The following GABRG3 variants were observed in gnomAD, a reference collection of about 807,000 sequenced individuals.
The protein encoded by GABRG3 is gamma-aminobutyric acid receptor subunit gamma-3.
Under a neutral mutation model 48.8 loss-of-function variants are expected in GABRG3, and 25 were observed. The observed-to-expected ratio is 0.51, with a 90% CI of 0.37 to 0.72. GABRG3 has a LOEUF of 0.72. GABRG3 is among the 30% of genes least tolerant of loss of function. The pLI is 0.00. For missense variants in GABRG3, 394 were observed against 577.9 expected, an observed-to-expected ratio of 0.68 and a Z score of 3.26; for synonymous variants, 227 against 217.6, an observed-to-expected ratio of 1.04 and a Z score of -0.38.
At chr15:27,464,173 T>C (rs1225937531) in intron 5 of GABRG3, among the ~76,000 whole-genome samples, 2 of 152,186 alleles carry the variant, frequency 1.3e-5, no homozygotes, top group African/African-American at 2.4e-5. Flanking sequence ...TTTAGTATAT[T>C]CACAGAATTG....
At chr15:27,346,420 T>G (rs1163640708) in intron 5 of GABRG3, among the ~76,000 whole-genome samples, 1 of 152,212 alleles carries the variant, frequency 6.6e-6, no homozygotes, top group East Asian at 1.9e-4. Context: ...CATTTTACAT[T>G]TATCTCTTTA....
chr15:27,402,401 G>T (rs1887500028), intron 5 of GABRG3, among the ~76,000 whole-genome samples: 1 of 152,198 alleles, frequency 6.6e-6, no homozygotes, highest in Non-Finnish European at 1.5e-5. Context: ...ATGGATATCA[G>T]CATTTTAAGC....
At chr15:26,971,859 T>C (rs1239558437) in intron 1 of GABRG3, among the ~76,000 whole-genome samples, 1 of 152,106 alleles carries the variant, frequency 6.6e-6, no homozygotes, top group African/African-American at 2.4e-5. Context: ...TTTAAGGGGT[T>C]TTGAGAACCA....
intron 3 of GABRG3, among the ~76,000 whole-genome samples, chr15:27,177,388 C>T (rs1887781358): frequency 6.6e-6 from 1 of 152,148 alleles, no homozygotes; most frequent in African/African-American, 2.4e-5. Context: ...GAGTGGTAAG[C>T]AATTATAGAA....
rs1894899702 is a variant in GABRG3, at chr15:26,974,432, T to C, written c.54-2570T>C. 6.6e-6 allele frequency among the ~76,000 whole-genome samples: 1 copy of C among 152,056 alleles called. No homozygotes were observed. Among genetic ancestry groups the C allele is most frequent in the African/African-American group, 2.4e-5 (1 of 41,390 alleles). ...CTGGTTACTGTGCTCGGTTTGTGTGTATGTGATTATCAGGGCCATAGACAA... is the reference window on the plus strand; with the variant it reads ...CTGGTTACTGTGCTCGGTTTGTGTGCATGTGATTATCAGGGCCATAGACAA... On this transcript the variant is annotated intron_variant, in intron 1 of 9. Coordinates refer to ENST00000615808, the MANE Select transcript of GABRG3 (RefSeq NM_033223.5). This position sits in a 1 kb window ranked among gnomAD's most constrained non-coding sequence, Gnocchi z 4.3.
At chr15:27,522,424 G>A (rs3097504) in intron 7 of GABRG3, among the ~76,000 whole-genome samples, 96,035 of 151,572 alleles carry the variant, frequency 0.63, 31,819 homozygotes, top group African/African-American at 0.84. Context: ...AATGGTAAGT[G>A]TGCGGTGAAG....
intron 3 of GABRG3, among the ~76,000 whole-genome samples, chr15:27,213,931 CT>C (rs1889155704): frequency 6.6e-6 from 1 of 152,218 alleles, no homozygotes; most frequent in African/African-American, 2.4e-5. Context: ...AAGGGGGAAA[CT>C]CAGAGTTTCC....
chr15:27,203,996 T>C (rs1888772300), intron 3 of GABRG3, among the ~76,000 whole-genome samples: 1 of 152,170 alleles, frequency 6.6e-6, no homozygotes. Context: ...TCCCATTATG[T>C]AGGTTGTCTG....
In GABRG3 at chr15:26,971,582, A is replaced by T. The variant is rs1230356900; in HGVS notation, c.47A>T (p.His16Leu). Reference sequence around the variant, plus strand: ...CTCCTCTGCCTGTTCTCGGGCTTGCACGCGCGGTAAGTGGCGCGGGGGCCG... The same window carrying T: ...CTCCTCTGCCTGTTCTCGGGCTTGCTCGCGCGGTAAGTGGCGCGGGGGCCG... ...LLLLCLFSGL[H>L]ARSRKVEEDE... Residue 16 changes from histidine to leucine, a missense_variant, in exon 1 of 10, where the codon CAC (histidine) becomes CTC (leucine). Physicochemically the swap from His to Leu is moderately conservative, Grantham distance 99. Around this residue, in one of 3 missense-constraint regions of GABRG3, gnomAD observed 218 missense variants for 309.9 expected, o/e 0.70. Coordinates refer to ENST00000615808, the MANE Select transcript of GABRG3 (RefSeq NM_033223.5). 6.5e-7 allele frequency: 1 copy of T among 1,528,584 alleles called. No individual in the cohort carries two copies. Among genetic ancestry groups the T allele is most frequent in the Admixed American group, 2.0e-5 (1 of 49,360 alleles). The allele number at this position is 1,528,584 out of a possible 1,614,324, so 94.7% of individuals were successfully genotyped here.
chr15:27,375,596 G>C (rs1031448620), intron 5 of GABRG3, among the ~76,000 whole-genome samples: 1 of 152,180 alleles, frequency 6.6e-6, no homozygotes, highest in Admixed American at 6.5e-5. Flanking sequence ...GAGGCTTCAC[G>C]ATTGTGGTGG....
intron 6 of GABRG3, among the ~76,000 whole-genome samples, chr15:27,490,546 G>A (rs1365145197): frequency 6.6e-6 from 1 of 152,152 alleles, no homozygotes; most frequent in Non-Finnish European, 1.5e-5. Flanking sequence ...GCCAGCCAGG[G>A]TCAATCTCTC....
At chr15:27,226,552 G>A (rs982551115) in intron 3 of GABRG3, among the ~76,000 whole-genome samples, 2 of 151,740 alleles carry the variant, frequency 1.3e-5, no homozygotes, top group African/African-American at 2.4e-5. Flanking sequence ...TCCTGCTCCC[G>A]GCCTGAGCCA....
chr15:27,216,780 T>TTTTTAA (rs1566968528), intron 3 of GABRG3, among the ~76,000 whole-genome samples: 508 of 48,506 alleles, frequency 0.01, 2 homozygotes, highest in African/African-American at 0.027. Flanking sequence ...ATTTTTTAAT[T>TTTTTAA]TTTTTTTTTA....
intron 5 of GABRG3, among the ~76,000 whole-genome samples, chr15:27,387,989 GGT>G (rs1273876363): frequency 1.5e-5 from 1 of 67,308 alleles, no homozygotes; most frequent in African/African-American, 5.7e-5. Context: ...AAGGAGGGAG[GGT>G]AAGGAAGGAA....
chr15:27,248,521 A>T (rs1274199668), intron 3 of GABRG3, among the ~76,000 whole-genome samples: 1 of 152,148 alleles, frequency 6.6e-6, no homozygotes, highest in East Asian at 1.9e-4. Context: ...CTACAGTAAA[A>T]TTCCAGGACA....
At chr15:27,193,893 T>G (rs563470285) in intron 3 of GABRG3, among the ~76,000 whole-genome samples, 126 of 152,144 alleles carry the variant, frequency 8.3e-4, no homozygotes, top group Non-Finnish European at 1.4e-3. Flanking sequence ...TAATTTAAGC[T>G]GTTTACATTT....
chr15:27,462,218 T>C (rs1018774807), intron 5 of GABRG3, among the ~76,000 whole-genome samples: 1 of 152,114 alleles, frequency 6.6e-6, no homozygotes, highest in African/African-American at 2.4e-5. Context: ...TCTCATCCCC[T>C]GCCTCCACTC....
chr15:27,188,600 T>G (rs1298931054), intron 3 of GABRG3, among the ~76,000 whole-genome samples: 7 of 151,240 alleles, frequency 4.6e-5, no homozygotes, highest in Admixed American at 2.6e-4. Context: ...TAAATTTGTT[T>G]GAGTTCATTG....
At chr15:27,188,854 G>GT (rs1404138196) in intron 3 of GABRG3, among the ~76,000 whole-genome samples, 2 of 151,454 alleles carry the variant, frequency 1.3e-5, no homozygotes, top group East Asian at 1.9e-4. Context: ...GGTTTTTATG[G>GT]TTTTAGGTCT....
Sources: gnomAD v4.1 joint callset for allele counts (sites outside exome capture counted in the v4.1 genomes callset) on GRCh38, gnomAD v4.1.1 for gene constraint, gnomAD v4.1.1 regional missense constraint, Gnocchi (gnomAD v3.1) non-coding constraint, MANE v1.5 for transcripts, NCBI Gene and HGNC (gene_info 2026-07-23, HGNC 2026-07-21) for gene names.